Variants in CDH20 observed in about 807,000 individuals in gnomAD.
The protein encoded by CDH20 is cadherin 20.
In CDH20, 29 loss-of-function variants were observed where a neutral mutation model predicts 74.2. That is an observed-to-expected ratio of 0.39 (90% CI 0.29 to 0.53). The LOEUF is 0.53. Among genes scored for constraint, CDH20 ranks in the 20% least tolerant of loss-of-function variants. The probability of loss-of-function intolerance (pLI) is 0.69; values close to 1 mark genes in which losing one functional copy is unlikely to be tolerated. For synonymous variants in CDH20, 469 were observed against 405.4 expected, an observed-to-expected ratio of 1.16 and a Z score of -1.88; for missense variants, 988 against 1,048.3, an observed-to-expected ratio of 0.94 and a Z score of 0.79.
At position 61,507,495 on chromosome 18, in the gene CDH20, G is replaced by A; in HGVS notation, c.952G>A (p.Gly318Ser). The A allele has an allele frequency of 6.2e-7, 1 of 1,613,876 alleles. No individual in the cohort carries two copies. The highest frequency in any genetic ancestry group is 1.3e-5 in the African/African-American group (1 of 74,998). The change falls in exon 6 of 12, where the codon GGT (glycine) becomes AGT (serine). Residue 318 changes from glycine to serine, a missense_variant. Gly to Ser is a moderately conservative substitution (Grantham distance 56). Coordinates refer to ENST00000262717, the MANE Select transcript of CDH20 (RefSeq NM_031891.4). ...GAAATATACTATTGTGGATGGAGAT[G>A]GTGCAGATGCCTTTGACATTAGCAC... The part of the protein sequence containing the change: ...EMKYTIVDGD[G>S]ADAFDISTDP...
intron 1 of CDH20, among the ~76,000 whole-genome samples, chr18:61,397,221 C>T (rs1912013635): frequency 6.6e-6 from 1 of 152,102 alleles, no homozygotes; most frequent in African/African-American, 2.4e-5. Flanking sequence ...TCTCTGCCCT[C>T]CTTACTCCCC....
chr18:61,493,108 A>G (rs1325847316), intron 2 of CDH20, among the ~76,000 whole-genome samples: 1 of 152,188 alleles, frequency 6.6e-6, no homozygotes, highest in Non-Finnish European at 1.5e-5. Flanking sequence ...GCTCAGTAAT[A>G]CCTAATGCAG....
At chr18:61,462,461 A>G (rs961228616) in intron 1 of CDH20, among the ~76,000 whole-genome samples, 5 of 152,112 alleles carry the variant, frequency 3.3e-5, no homozygotes, top group African/African-American at 1.2e-4. Context: ...ATTTCCAAAT[A>G]AGGCCACAGT....
At chr18:61,359,607 T>C (rs1365111586) in intron 1 of CDH20, among the ~76,000 whole-genome samples, 2 of 152,130 alleles carry the variant, frequency 1.3e-5, no homozygotes, top group Admixed American at 6.5e-5. Flanking sequence ...TATGTGCTTC[T>C]TGAGAAGCTT....
intron 1 of CDH20, among the ~76,000 whole-genome samples, chr18:61,483,797 G>C (rs1166599605): frequency 6.6e-6 from 1 of 152,130 alleles, no homozygotes; most frequent in Non-Finnish European, 1.5e-5. Flanking sequence ...CTGTGAGATA[G>C]AGTCTATAAT....
At chr18:61,342,738 T>C (rs1909992566) in intron 1 of CDH20, among the ~76,000 whole-genome samples, 1 of 152,216 alleles carries the variant, frequency 6.6e-6, no homozygotes, top group East Asian at 1.9e-4. Context: ...GTATTCCTTA[T>C]TATAGTATAC....
At position 61,353,138 on chromosome 18, in the gene CDH20, G is replaced by C. The variant is rs968853168; in HGVS notation, c.-153+19311G>C. On this transcript the variant is annotated intron_variant, in intron 1 of 11. Coordinates refer to ENST00000262717, the MANE Select transcript of CDH20 (RefSeq NM_031891.4). The surrounding 1 kb of genome is among the most constrained non-coding windows in gnomAD (Gnocchi z 4.6). The stretch of plus-strand genomic sequence containing the variant: ...ATGATGTGTGCCCCAACAAAGGCGC[G>C]GGTCTGATACATCAGTTTCTAACTT... Among the ~76,000 whole-genome samples the C allele has an allele frequency of 6.6e-6, 1 of 152,244 alleles. No homozygotes were observed. The highest frequency in any genetic ancestry group is 2.1e-4 in the South Asian group (1 of 4,824).
intron 1 of CDH20, among the ~76,000 whole-genome samples, chr18:61,488,073 C>T (rs1015439115): frequency 5.3e-4 from 15 of 28,458 alleles, no homozygotes; most frequent in East Asian, 4.6e-3. Flanking sequence ...AAATAGAATA[C>T]GTACATACAT....
intron 1 of CDH20, among the ~76,000 whole-genome samples, chr18:61,475,452 G>A (rs55950833): frequency 6.6e-6 from 1 of 152,098 alleles, no homozygotes; most frequent in East Asian, 1.9e-4. Context: ...ATCTTACATT[G>A]TTCAATGAGT....
At chr18:61,551,010 T>C (rs949664114) in intron 11 of CDH20, among the ~76,000 whole-genome samples, 6 of 152,180 alleles carry the variant, frequency 3.9e-5, no homozygotes, top group African/African-American at 1.4e-4. Context: ...CAGGGTCAGT[T>C]TGCCTCTGCT....
At chr18:61,548,692 C>T (rs1280930651) in intron 10 of CDH20, among the ~76,000 whole-genome samples, 2 of 152,224 alleles carry the variant, frequency 1.3e-5, no homozygotes, top group African/African-American at 4.8e-5. Flanking sequence ...AGCTCAGCGT[C>T]CCAGGCCGCC....
chr18:61,391,892 C>A (rs1911796477), intron 1 of CDH20, among the ~76,000 whole-genome samples: 3 of 152,130 alleles, frequency 2.0e-5, no homozygotes, highest in Admixed American at 1.3e-4. Context: ...CTCAATATTT[C>A]TTGACCCAAT....
chr18:61,415,439 C>T (rs1912650824), intron 1 of CDH20, among the ~76,000 whole-genome samples: 1 of 151,988 alleles, frequency 6.6e-6, no homozygotes, highest in Non-Finnish European at 1.5e-5. Flanking sequence ...TGTGTGAGTC[C>T]CATCACAAAA....
chr18:61,393,047 T>C (rs1423263645), intron 1 of CDH20, among the ~76,000 whole-genome samples: 1 of 152,194 alleles, frequency 6.6e-6, no homozygotes, highest in East Asian at 1.9e-4. Context: ...CCTTATTTCC[T>C]AAATGTTGCC....
intron 1 of CDH20, among the ~76,000 whole-genome samples, chr18:61,470,342 C>A (rs964756149): frequency 6.6e-6 from 1 of 152,168 alleles, no homozygotes; most frequent in African/African-American, 2.4e-5. Flanking sequence ...TCAAAACTGG[C>A]CTTGTTCCCC....
At chr18:61,360,225 G>T (rs531573253) in intron 1 of CDH20, among the ~76,000 whole-genome samples, 41 of 152,256 alleles carry the variant, frequency 2.7e-4, no homozygotes, top group Non-Finnish European at 4.7e-4. Context: ...TGATCTGTAG[G>T]TTACCCTTTG....
At chr18:61,451,129 CTTTT>C (rs941667455) in intron 1 of CDH20, among the ~76,000 whole-genome samples, 1 of 146,474 alleles carries the variant, frequency 6.8e-6, no homozygotes, top group East Asian at 2.0e-4. Flanking sequence ...TTATTTATAA[CTTTT>C]TTTTTTTACT....
At chr18:61,416,298 A>G (rs1305759440) in intron 1 of CDH20, among the ~76,000 whole-genome samples, 6 of 152,234 alleles carry the variant, frequency 3.9e-5, no homozygotes, top group Non-Finnish European at 7.3e-5. Context: ...AATGACATGG[A>G]TTTATTTTAG....
chr18:61,417,927 T>C (rs1912744260), intron 1 of CDH20, among the ~76,000 whole-genome samples: 2 of 152,222 alleles, frequency 1.3e-5, no homozygotes, highest in African/African-American at 4.8e-5. Context: ...ACCTCATGAA[T>C]ATGTATAACT....
Sources: gnomAD v4.1 joint callset for allele counts (sites outside exome capture counted in the v4.1 genomes callset) on GRCh38, gnomAD v4.1.1 for gene constraint, Gnocchi (gnomAD v3.1) non-coding constraint, MANE v1.5 for transcripts, NCBI Gene and HGNC (gene_info 2026-07-23, HGNC 2026-07-21) for gene names.